Variants in IPO5 observed in about 807,000 individuals in gnomAD.
IPO5 encodes importin 5.
IPO5 carries 18 observed loss-of-function variants against 143.3 expected under a neutral mutation model. The observed-to-expected ratio is 0.13, with a 90% CI of 0.09 to 0.19. The LOEUF (loss-of-function observed/expected upper bound fraction) is 0.19, where lower values mean the gene tolerates loss of function less well. IPO5 is among the 10% of genes least tolerant of loss of function. The pLI is 1.00. For synonymous variants in IPO5, 477 were observed against 465.7 expected (o/e 1.02, Z -0.31); for missense variants, 1,013 against 1,336.9 (o/e 0.76, Z 3.78).
chr13:97,980,570 CTG>C (rs1852856936), intron 4 of IPO5, among the ~76,000 whole-genome samples: 1 of 152,158 alleles, frequency 6.6e-6, no homozygotes, highest in Non-Finnish European at 1.5e-5. Flanking sequence ...TGGCTCATGA[CTG>C]TAATCCCAGC....
rs1333711762 is a variant in IPO5, at chr13:98,010,107, A to G, written c.1938A>G (p.Gln646=). The change falls in exon 20 of 29, where the codon CAA becomes CAG. Residue 646 remains glutamine (Q), a synonymous_variant. Coordinates refer to ENST00000651721, the MANE Select transcript of IPO5 (RefSeq NM_002271.6). ...TGTTTTCTTCTCCGTTAATAGCCCA[A>G]GACATGGAGAATATGAGTGATGATG... is the stretch of plus-strand genomic sequence containing the variant. ...IKPEVALLDT[Q]DMENMSDDDG... 1 of 1,614,088 alleles carries G rather than the reference A, an allele frequency of 6.2e-7. No homozygotes were observed. Among genetic ancestry groups the G allele is most frequent in the Non-Finnish European group, 8.5e-7 (1 of 1,179,958 alleles).
intron 4 of IPO5, among the ~76,000 whole-genome samples, chr13:97,980,307 T>C (rs895965481): frequency 3.3e-5 from 5 of 152,176 alleles, no homozygotes; most frequent in African/African-American, 1.2e-4. Flanking sequence ...GTGGAACATA[T>C]CACATGGAGA....
At chr13:97,997,159 A>C (rs1012226528) in intron 11 of IPO5, among the ~76,000 whole-genome samples, 1 of 152,266 alleles carries the variant, frequency 6.6e-6, no homozygotes, top group Non-Finnish European at 1.5e-5. Flanking sequence ...TTATATAAAA[A>C]ATCAAATCTT....
chr13:97,974,670 C>T (rs762949532), intron 3 of IPO5, among the ~76,000 whole-genome samples: 7 of 130,434 alleles, frequency 5.4e-5, no homozygotes, highest in Non-Finnish European at 1.1e-4. Context: ...AATCCAGATA[C>T]CCCAACGACC....
At chr13:98,006,058 G>C in intron 16 of IPO5, 72 bp from the exon 17 acceptor site, 2 of 976,856 alleles carry the variant, frequency 2.0e-6, no homozygotes, top group South Asian at 1.4e-5. Flanking sequence ...GAACTTGAAG[G>C]GAGTAGTAAT....
At chr13:97,985,334 T>G in intron 5 of IPO5, 87 bp from the exon 6 acceptor site, 1 of 1,044,244 alleles carries the variant, frequency 9.6e-7, no homozygotes, top group Admixed American at 2.1e-5. Flanking sequence ...TTTAGAAAAT[T>G]AGGCGCTTTT....
At chr13:97,973,851 C>G (rs925584889) in intron 3 of IPO5, among the ~76,000 whole-genome samples, 2 of 152,138 alleles carry the variant, frequency 1.3e-5, no homozygotes, top group Admixed American at 6.6e-5. Flanking sequence ...GGGAGGATCG[C>G]CCGAACTCAG....
At chr13:98,021,204 A>T in intron 28 of IPO5, 71 bp downstream of exon 28, 1 of 1,367,136 alleles carries the variant, frequency 7.3e-7, no homozygotes. Flanking sequence ...CTATGAGAAG[A>T]AACTAGAAAT....
chr13:98,011,333 C>G (rs1388366585), intron 20 of IPO5, among the ~76,000 whole-genome samples: 2 of 152,156 alleles, frequency 1.3e-5, no homozygotes, highest in African/African-American at 4.8e-5. Flanking sequence ...CTCTGTCGCT[C>G]AGGCTGGAGT....
intron 11 of IPO5, among the ~76,000 whole-genome samples, chr13:97,993,580 T>C (rs1887976161): frequency 6.6e-6 from 1 of 152,234 alleles, no homozygotes; most frequent in African/African-American, 2.4e-5. Flanking sequence ...AAATAGCATG[T>C]CTTGCTTACC....
chr13:98,021,299 C>CCGTATGTA, intron 28 of IPO5, 166 bp downstream of exon 28: 1 of 496,758 alleles, frequency 2.0e-6, no homozygotes, highest in Non-Finnish European at 3.3e-6. Flanking sequence ...TGTAATCCAT[C>CCGTATGTA]CGTATGTACT....
Position 97,982,586 on chromosome 13 carries a change from A to G in IPO5, c.171+3A>G, listed in dbSNP as rs1323465259. The G allele has an allele frequency of 6.4e-7, 1 of 1,555,330 alleles. No individual in the cohort carries two copies. The highest frequency in any genetic ancestry group is 8.9e-7 in the Non-Finnish European group (1 of 1,127,082). On this transcript the variant is annotated splice_donor_region_variant and intron_variant, in intron 5 of 28. Transcript: ENST00000651721. ...GAAATACAACAGCTGCTGAAGAGGT[A>G]CTACCTTAATATTTGTGACTATTAC... is the stretch of plus-strand genomic sequence containing the variant.
intron 5 of IPO5, among the ~76,000 whole-genome samples, chr13:97,984,268 G>A (rs1187950855): frequency 3.3e-5 from 5 of 152,016 alleles, no homozygotes; most frequent in Admixed American, 6.6e-5. Context: ...GTGAGCCACC[G>A]CGCCCGGCCT....
intron 25 of IPO5, among the ~76,000 whole-genome samples, chr13:98,017,242 A>G (rs1025023781): frequency 1.6e-5 from 2 of 126,118 alleles, no homozygotes; most frequent in African/African-American, 6.3e-5. Context: ...GATAATGGGC[A>G]TATATATATA....
intron 13 of IPO5, 109 bp downstream of exon 13, chr13:98,000,754 C>T (rs1397907257): frequency 1.4e-6 from 1 of 698,598 alleles, no homozygotes; most frequent in Admixed American, 2.4e-5. Flanking sequence ...TTTTTATCAT[C>T]CATATTTAAC....
At chr13:98,001,126 A>G (rs527603049) in intron 13 of IPO5, among the ~76,000 whole-genome samples, 1 of 152,070 alleles carries the variant, frequency 6.6e-6, no homozygotes, top group South Asian at 2.1e-4. Flanking sequence ...CTCCTGCTTC[A>G]GCCTCCCAGA....
At chr13:97,986,787 T>A (rs1308279030) in intron 6 of IPO5, among the ~76,000 whole-genome samples, 1 of 152,260 alleles carries the variant, frequency 6.6e-6, no homozygotes, top group Non-Finnish European at 1.5e-5. Flanking sequence ...TTGAACATGC[T>A]ACTTTTTTAT....
intron 20 of IPO5, among the ~76,000 whole-genome samples, chr13:98,010,542 A>G (rs754894855): frequency 3.3e-5 from 5 of 152,138 alleles, no homozygotes; most frequent in Non-Finnish European, 7.4e-5. Context: ...TTTTGTTCTT[A>G]GTCTATAGTA....
intron 7 of IPO5, 134 bp downstream of exon 7, chr13:97,989,298 A>G (rs530272832): frequency 1.1e-3 from 560 of 519,382 alleles, no homozygotes; most frequent in Admixed American, 1.4e-3. Context: ...TTTTGTTTGT[A>G]TTTGTATTGG....
Sources: allele counts gnomAD v4.1 joint callset (sites outside exome capture counted in the v4.1 genomes callset), GRCh38; gene constraint gnomAD v4.1.1; transcripts MANE v1.5; gene names NCBI Gene and HGNC (gene_info 2026-07-23, HGNC 2026-07-21).